Variants in DUS4L observed in about 807,000 individuals in gnomAD.
DUS4L encodes the protein tRNA-dihydrouridine(20a/20b) synthase [NAD(P)+]-like.
DUS4L carries 31 observed loss-of-function variants against 33.8 expected under a neutral mutation model. The observed-to-expected ratio is 0.92, with a 90% CI of 0.69 to 1.24. The LOEUF (loss-of-function observed/expected upper bound fraction) is 1.24, where lower values mean the gene tolerates loss of function less well. DUS4L is among the 50% of genes most tolerant of loss of function. DUS4L has a pLI of 0.00. For missense variants in DUS4L, 368 were observed against 388.6 expected, an observed-to-expected ratio of 0.95 and a Z score of 0.45; for synonymous variants, 103 against 120.3, an observed-to-expected ratio of 0.86 and a Z score of 0.94.
At chr7:107,565,978 A>T (rs1804640994) in intron 2 of DUS4L, among the ~76,000 whole-genome samples, 5 of 152,202 alleles carry the variant, frequency 3.3e-5, no homozygotes, top group African/African-American at 1.2e-4. Flanking sequence ...TTTGATGTTT[A>T]AGATACCTAT....
intron 2 of DUS4L, among the ~76,000 whole-genome samples, chr7:107,566,048 C>T (rs954485812): frequency 6.6e-6 from 1 of 152,132 alleles, no homozygotes; most frequent in Non-Finnish European, 1.5e-5. Flanking sequence ...TAGGTTTATT[C>T]CTCCCAGCTC....
intron 5 of DUS4L, chr7:107,574,927 C>T (rs1484636541): frequency 2.3e-6 from 1 of 429,268 alleles, no homozygotes; most frequent in Admixed American, 4.3e-5. Flanking sequence ...ATATTTAAAC[C>T]TGTTTTGGTT....
At chr7:107,575,908 G>A (rs1247979007) in intron 6 of DUS4L, among the ~76,000 whole-genome samples, 1 of 152,210 alleles carries the variant, frequency 6.6e-6, no homozygotes, top group Non-Finnish European at 1.5e-5. Flanking sequence ...GGCCAGGCCA[G>A]TCCTGAGCTC....
intron 4 of DUS4L, among the ~76,000 whole-genome samples, chr7:107,572,594 A>G (rs1056553518): frequency 1.3e-5 from 2 of 152,214 alleles, no homozygotes; most frequent in Non-Finnish European, 2.9e-5. Context: ...TCATGCCTGT[A>G]ATCTTAGCGC....
chr7:107,567,261 A>C (rs1804797653), intron 3 of DUS4L, 75 bp downstream of exon 3: 5 of 1,269,294 alleles, frequency 3.9e-6, no homozygotes, highest in Non-Finnish European at 5.6e-6. Flanking sequence ...AAGTACTGTA[A>C]GACCACCCAC....
At chr7:107,577,130 C>G (rs993957748) in intron 7 of DUS4L, 183 bp from the exon 8 acceptor site, 1 of 774,254 alleles carries the variant, frequency 1.3e-6, no homozygotes, top group African/African-American at 1.7e-5. Context: ...TTAAACTTTC[C>G]TGGTTTACAA....
intron 4 of DUS4L, among the ~76,000 whole-genome samples, chr7:107,573,437 C>G (rs564802851): frequency 6.6e-6 from 1 of 152,280 alleles, no homozygotes; most frequent in South Asian, 2.1e-4. Flanking sequence ...TAAACTAATT[C>G]TCACCTTTGA....
intron 3 of DUS4L, chr7:107,567,646 A>G (rs977944137): frequency 2.1e-5 from 6 of 286,096 alleles, no homozygotes; most frequent in African/African-American, 9.1e-5. Context: ...GTTATAAAAT[A>G]TACGTAACAT....
At chr7:107,574,994 C>A in intron 5 of DUS4L, 194 bp from the exon 6 acceptor site, 8 of 684,884 alleles carry the variant, frequency 1.2e-5, no homozygotes, top group Non-Finnish European at 1.9e-5. Context: ...CTCCTGAGTA[C>A]TTTTTGATCT....
intron 3 of DUS4L, among the ~76,000 whole-genome samples, chr7:107,569,466 C>CA (rs1186382238): frequency 6.6e-6 from 1 of 152,172 alleles, no homozygotes; most frequent in Non-Finnish European, 1.5e-5. Context: ...TCTATCTCTG[C>CA]AAAAAACCCT....
In DUS4L at chr7:107,564,028, G is replaced by C. The variant is rs572726434; in HGVS notation, c.-292G>C. ...CCTGGCGAACTGACTCTCAGCCCGC[G>C]CCTGGGCTAAGCCTGGCTAGGAGCC... On this transcript the variant is annotated 5_prime_UTR_variant, in exon 1 of 8. Transcript: ENST00000265720. 4 of 1,350,092 alleles carry C rather than the reference G, an allele frequency of 3.0e-6. No individual in the cohort carries two copies. The highest frequency in any genetic ancestry group is 3.0e-5 in the African/African-American group (2 of 66,360). 83.6% of individuals were successfully genotyped at this position (1,350,092 alleles called of 1,614,324 possible). A position where few individuals can be genotyped will look rare whatever the true frequency, so the allele number is the denominator to read the frequency against.
rs959287605 is a variant in DUS4L at position 107,576,792 on chromosome 7, T to C, written c.706+200T>C. 24 of 515,948 alleles carry C rather than the reference T, an allele frequency of 4.7e-5. No individual in the cohort carries two copies. The African/African-American group carries it at 4.8e-4, about 10-fold the overall frequency. The allele number at this position is 515,948 out of a possible 1,614,324, so 32.0% of individuals were successfully genotyped here. On this transcript the variant is annotated intron_variant, in intron 7 of 7. Coordinates refer to ENST00000265720, the MANE Select transcript of DUS4L (RefSeq NM_181581.3). ...ATGGATTATCTTAACTGGGATAAAT[T>C]AATTCAGTTACTTTTCTGACACCAT...
At chr7:107,570,954 T>C (rs1260784794) in intron 3 of DUS4L, 191 bp from the exon 4 acceptor site, 4 of 663,172 alleles carry the variant, frequency 6.0e-6, no homozygotes, top group Admixed American at 3.6e-5. Flanking sequence ...TCTTCACCTT[T>C]CAAAATTTTC....
At chr7:107,573,367 T>C (rs1451791494) in intron 4 of DUS4L, among the ~76,000 whole-genome samples, 2 of 152,214 alleles carry the variant, frequency 1.3e-5, no homozygotes, top group African/African-American at 4.8e-5. Flanking sequence ...GTGGTATATA[T>C]AGATTGTTCA....
Position 107,577,299 on chromosome 7 carries a change from G to A in DUS4L, c.707-14G>A. The A allele has an allele frequency of 6.2e-7, 1 of 1,613,626 alleles. No homozygotes were observed. Among genetic ancestry groups the A allele is most frequent in the South Asian group, 1.1e-5 (1 of 91,062 alleles). On this transcript the variant is annotated splice_polypyrimidine_tract_variant and intron_variant, in intron 7 of 7. Transcript: ENST00000265720. ...CTTAATGTATGGACAAATATGGTGT[G>A]CTTTAATTTGTAGGTGTGATGGTTG...
rs1365929654 is a variant in DUS4L, at chr7:107,575,048, T to C, written c.357-140T>C. 10 of 1,103,866 alleles carry C rather than the reference T, an allele frequency of 9.1e-6. No individual in the cohort carries two copies. The East Asian group carries it at 1.0e-4, about 11-fold the overall frequency. 68.4% of individuals were successfully genotyped at this position (1,103,866 alleles called of 1,614,324 possible). ...TCTCATATTGATCCACTTAGAAATG[T>C]TGAATCTATGAATTTTTTATATCTG... On this transcript the variant is annotated intron_variant, in intron 5 of 7. Coordinates refer to ENST00000265720, the MANE Select transcript of DUS4L (RefSeq NM_181581.3).
Position 107,563,971 on chromosome 7 carries a change from G to GGGCCCCC in DUS4L, c.-349_-348insGGCCCCC. On this transcript the variant is annotated 5_prime_UTR_variant, in exon 1 of 8. Transcript: ENST00000265720. ...GGTGGTGACGCAGAATCCCGGCGCC[G>GGGCCCCC]CCCGCCCACCCAGCCCATGGCTCCA... is the stretch of plus-strand genomic sequence containing the variant. 28 of 1,557,012 alleles carry GGGCCCCC rather than the reference G, an allele frequency of 1.8e-5. No individual in the cohort carries two copies. The highest frequency in any genetic ancestry group is 2.4e-5 in the Non-Finnish European group (27 of 1,144,296).
intron 2 of DUS4L, among the ~76,000 whole-genome samples, chr7:107,566,362 A>G (rs1804699153): frequency 6.6e-6 from 1 of 152,220 alleles, no homozygotes; most frequent in African/African-American, 2.4e-5. Context: ...ACTGTGAAAT[A>G]GTAGGATTTT....
At chr7:107,572,596 T>A (rs1274941856) in intron 4 of DUS4L, among the ~76,000 whole-genome samples, 1 of 152,174 alleles carries the variant, frequency 6.6e-6, no homozygotes, top group African/African-American at 2.4e-5. Flanking sequence ...ATGCCTGTAA[T>A]CTTAGCGCTT....
Sources: gnomAD v4.1 joint callset for allele counts (sites outside exome capture counted in the v4.1 genomes callset) on GRCh38, gnomAD v4.1.1 for gene constraint, MANE v1.5 for transcripts, NCBI Gene and HGNC (gene_info 2026-07-23, HGNC 2026-07-21) for gene names.